SPIRE1: variants seen among roughly 807,000 people sequenced by gnomAD.
The protein encoded by SPIRE1 is spire type actin nucleation factor 1, also known as protein spire homolog 1.
In SPIRE1, 40 loss-of-function variants were observed where a neutral mutation model predicts 94.1. The ratio of observed to expected loss-of-function variants is 0.43; its 90% CI spans 0.33 to 0.55. SPIRE1 has a LOEUF of 0.55. Among genes scored for constraint, SPIRE1 ranks in the 20% least tolerant of loss-of-function variants. The pLI, the probability that SPIRE1 is intolerant of heterozygous loss-of-function variation, is 0.06. For synonymous variants in SPIRE1, 376 were observed against 371.7 expected (o/e 1.01, Z -0.13); for missense variants, 838 against 975.2 (o/e 0.86, Z 1.87).
At chr18:12,566,994 A>G (rs879356595) in intron 2 of SPIRE1, among the ~76,000 whole-genome samples, 1 of 152,186 alleles carries the variant, frequency 6.6e-6, no homozygotes, top group African/African-American at 2.4e-5. Flanking sequence ...ATTATACACC[A>G]CAACCAAGTG....
At chr18:12,589,198 T>C (rs2036464433) in intron 2 of SPIRE1, among the ~76,000 whole-genome samples, 1 of 152,076 alleles carries the variant, frequency 6.6e-6, no homozygotes, top group African/African-American at 2.4e-5. Context: ...ATTTCAGAGA[T>C]GAAGAAACTA....
intron 2 of SPIRE1, among the ~76,000 whole-genome samples, chr18:12,613,675 G>A (rs972453684): frequency 3.3e-5 from 5 of 152,184 alleles, no homozygotes; most frequent in African/African-American, 1.2e-4. Context: ...CAAGGTGGGA[G>A]GATCACTTGA....
At chr18:12,533,969 A>AC (rs1440306764) in intron 4 of SPIRE1, among the ~76,000 whole-genome samples, 22 of 144,840 alleles carry the variant, frequency 1.5e-4, no homozygotes, top group Middle Eastern at 3.5e-3. Flanking sequence ...ACACACACAC[A>AC]ACTTATTTAT....
chr18:12,589,771 G>A (rs1242702578), intron 2 of SPIRE1, among the ~76,000 whole-genome samples: 2 of 152,122 alleles, frequency 1.3e-5, no homozygotes, highest in Non-Finnish European at 2.9e-5. Context: ...CTAATTCAAT[G>A]ACAGCCACTG....
At chr18:12,624,233 T>C (rs1332268401) in intron 2 of SPIRE1, among the ~76,000 whole-genome samples, 1 of 99,814 alleles carries the variant, frequency 1.0e-5, no homozygotes, top group East Asian at 3.4e-4. Context: ...ATAAGGCAAA[T>C]TATTAAAAAA....
chr18:12,573,546 C>T (rs2144485969), intron 2 of SPIRE1, among the ~76,000 whole-genome samples: 1 of 152,230 alleles, frequency 6.6e-6, no homozygotes, highest in African/African-American at 2.4e-5. Flanking sequence ...TAGAAGCAAC[C>T]AAGATGTCCC....
upstream of SPIRE1, chr18:12,661,201 G>T: frequency 6.1e-6 from 1 of 164,062 alleles, no homozygotes; most frequent in Non-Finnish European, 1.3e-5. Context: ...CCAGCTACTC[G>T]GGAGGCTGAG....
At chr18:12,548,192 G>A in intron 2 of SPIRE1, among the ~76,000 whole-genome samples, 1 of 152,008 alleles carries the variant, frequency 6.6e-6, no homozygotes, top group East Asian at 1.9e-4. Context: ...CCTTCCTTTA[G>A]CCCATTCTTT....
intron 2 of SPIRE1, among the ~76,000 whole-genome samples, chr18:12,621,081 G>A (rs541714173): frequency 6.6e-6 from 1 of 152,160 alleles, no homozygotes; most frequent in African/African-American, 2.4e-5. Context: ...GGGGGGCAAA[G>A]GATCTGAATA....
At chr18:12,620,264 T>C (rs764260612) in intron 2 of SPIRE1, among the ~76,000 whole-genome samples, 11 of 152,208 alleles carry the variant, frequency 7.2e-5, no homozygotes, top group Non-Finnish European at 1.6e-4. Flanking sequence ...ACCAAATCCA[T>C]TTATAGATTA....
intron 2 of SPIRE1, among the ~76,000 whole-genome samples, chr18:12,560,439 T>C (rs563349788): frequency 1.1e-4 from 16 of 152,306 alleles, no homozygotes; most frequent in Non-Finnish European, 1.9e-4. Flanking sequence ...TGCAACAACA[T>C]GAATGGAACT....
intron 7 of SPIRE1, among the ~76,000 whole-genome samples, 183 bp from the exon 8 acceptor site, chr18:12,493,384 G>A (rs2033312221): frequency 6.6e-6 from 1 of 152,130 alleles, no homozygotes; most frequent in South Asian, 2.1e-4. Flanking sequence ...GGATATCAGA[G>A]TGATTTGGTT....
In SPIRE1 at chr18:12,641,805, C is replaced by T. The variant is rs184944446; in HGVS notation, c.338-6709G>A. The stretch of plus-strand genomic sequence containing the variant: ...CAACAAAATCATCTTTGCCAAGTTG[C>T]ATTTTAAGGGAAAAAAGAATGTTAT... On this transcript the variant is annotated intron_variant, in intron 1 of 16. Coordinates refer to ENST00000409402, the MANE Select transcript of SPIRE1 (RefSeq NM_001128626.2). Among the ~76,000 whole-genome samples, 349 of 149,242 alleles carry T rather than the reference C, an allele frequency of 2.3e-3. 3 individuals are homozygous for T. The highest frequency in any genetic ancestry group is 0.015 in the South Asian group (69 of 4,676).
chr18:12,477,796 C>A (rs529964588), intron 10 of SPIRE1, among the ~76,000 whole-genome samples: 12 of 152,196 alleles, frequency 7.9e-5, no homozygotes, highest in African/African-American at 2.9e-4. Flanking sequence ...AAGCTGAGCA[C>A]CGATGGGCTG....
chr18:12,511,342 A>G (rs1426246103), intron 5 of SPIRE1, among the ~76,000 whole-genome samples: 1 of 152,230 alleles, frequency 6.6e-6, no homozygotes, highest in Non-Finnish European at 1.5e-5. Context: ...CAGCAGCGGC[A>G]TTAGATTCTC....
chr18:12,494,838 CA>C (rs71172091), intron 7 of SPIRE1, among the ~76,000 whole-genome samples: 26 of 32,014 alleles, frequency 8.1e-4, no homozygotes, highest in African/African-American at 1.5e-3. Flanking sequence ...GACTCCATCT[CA>C]AAAAAAAAAA....
chr18:12,577,620 C>A (rs556437986), intron 2 of SPIRE1, among the ~76,000 whole-genome samples: 44 of 152,192 alleles, frequency 2.9e-4, no homozygotes, highest in South Asian at 4.2e-4. Flanking sequence ...ACACAAGATA[C>A]ATAAAAACAC....
chr18:12,601,106 A>G (rs2036821728), intron 2 of SPIRE1, among the ~76,000 whole-genome samples: 1 of 151,968 alleles, frequency 6.6e-6, no homozygotes. Flanking sequence ...AGTCCTTGTG[A>G]CCTCTCCCAT....
intron 2 of SPIRE1, among the ~76,000 whole-genome samples, chr18:12,581,251 A>G (rs2036250057): frequency 6.6e-6 from 1 of 152,216 alleles, no homozygotes; most frequent in Non-Finnish European, 1.5e-5. Flanking sequence ...ATCCTGTGTT[A>G]GTCATTTCCA....
Sources: allele counts gnomAD v4.1 joint callset (sites outside exome capture counted in the v4.1 genomes callset), GRCh38; gene constraint gnomAD v4.1.1; transcripts MANE v1.5; gene names NCBI Gene and HGNC (gene_info 2026-07-23, HGNC 2026-07-21).